The following NIPAL4 variants were observed in gnomAD, a reference collection of about 807,000 sequenced individuals.
NIPAL4 encodes the protein NIPA like domain containing 4, also known as magnesium transporter NIPA4.
In NIPAL4, 21 loss-of-function variants were observed where a neutral mutation model predicts 31.6. That is an observed-to-expected ratio of 0.67 (90% CI 0.47 to 0.96). The LOEUF is 0.96. Among genes scored for constraint, NIPAL4 ranks in the 40% least tolerant of loss-of-function variants. NIPAL4 has a pLI of 0.00. For missense variants in NIPAL4, 438 were observed against 508.0 expected (o/e 0.86, Z 1.32); for synonymous variants, 175 against 211.1 (o/e 0.83, Z 1.48).
In NIPAL4 at chr5:157,462,981, G is replaced by A. The variant is rs554965678; in HGVS notation, c.38-113G>A. On this transcript the variant is annotated intron_variant, in intron 1 of 5. Coordinates refer to ENST00000311946, the MANE Select transcript of NIPAL4 (RefSeq NM_001099287.2). ...TTTTAGGTGGAGGCACGGTATATGG[G>A]TATAGCCCTGCAGTAGCGGAAGCAC... 4.4e-6 allele frequency: 6 copies of A among 1,369,454 alleles called. No individual in the cohort carries two copies. The Admixed American group carries it at 7.9e-5, about 18-fold the overall frequency. The allele number at this position is 1,369,454 out of a possible 1,614,324, so 84.8% of individuals were successfully genotyped here. A position where few individuals can be genotyped will look rare whatever the true frequency, so the allele number is the denominator to read the frequency against.
Position 157,471,781 on chromosome 5 carries a change from A to G in NIPAL4, c.550A>G (p.Thr184Ala), listed in dbSNP as rs780651434. ...IHAPEEEKVT[T>A]IMEMASKMKD... ...TGCTCCTGAGGAAGAGAAGGTCACT[A>G]CCATCATGGAGATGGCTTCCAAGAT... The change falls in exon 5 of 6, where the codon ACC becomes GCC. Residue 184 changes from threonine (T) to alanine (A), a missense_variant. Transcript: ENST00000311946. 2.5e-6 allele frequency: 4 copies of G among 1,597,908 alleles called. No individual in the cohort carries two copies. The South Asian group carries it at 3.4e-5, about 14-fold the overall frequency.
At position 157,474,668 on chromosome 5, in the gene NIPAL4, C is replaced by T. The variant is rs1322013623; in HGVS notation, c.*1708C>T. 1 of 152,174 alleles carries T rather than the reference C, an allele frequency of 6.6e-6. No individual in the cohort carries two copies. The highest frequency in any genetic ancestry group is 2.4e-5 in the African/African-American group (1 of 41,432). 9.4% of individuals were successfully genotyped at this position (152,174 alleles called of 1,614,324 possible). On this transcript the variant is annotated 3_prime_UTR_variant, in exon 6 of 6. Transcript: ENST00000311946. ...TGAGAATGGCAGTAAACTGAGGGCC[C>T]TAAGAGTGTGGTCTGCAGGGTCAAG...
intron 2 of NIPAL4, among the ~76,000 whole-genome samples, chr5:157,464,245 T>C (rs1421224988): frequency 1.3e-5 from 2 of 152,066 alleles, no homozygotes; most frequent in Non-Finnish European, 2.9e-5. Context: ...GTGAGAGAAC[T>C]TGAGTGATAC....
chr5:157,468,791 G>T lies in NIPAL4; in HGVS notation c.404G>T (p.Gly135Val). The T allele has an allele frequency of 6.2e-7, 1 of 1,608,334 alleles. No individual in the cohort carries two copies. Among genetic ancestry groups the T allele is most frequent in the Non-Finnish European group, 8.5e-7 (1 of 1,176,478 alleles). Residue 135 changes from glycine (G) to valine (V), a missense_variant, in exon 4 of 6, where the codon GGA becomes GTA. By Grantham distance (109) the Gly-to-Val change is moderately radical. Coordinates refer to ENST00000311946, the MANE Select transcript of NIPAL4 (RefSeq NM_001099287.2). ...CCTGCAACAGTCGTCACGCCTCTGG[G>T]AGCGCTGAGTGTCCTCATAAGGTTA... ...FAPATVVTPLGALSVLISAIL... is the reference protein window; with the variant it reads ...FAPATVVTPLVALSVLISAIL...
At position 157,472,328 on chromosome 5, in the gene NIPAL4, A is replaced by G; in HGVS notation, c.587-4A>G. 6.3e-7 allele frequency: 1 copy of G among 1,595,990 alleles called. No individual in the cohort carries two copies. Among genetic ancestry groups the G allele is most frequent in the Non-Finnish European group, 8.5e-7 (1 of 1,173,216 alleles). On this transcript the variant is annotated splice_polypyrimidine_tract_variant and splice_region_variant and intron_variant, in intron 5 of 5. Coordinates refer to ENST00000311946, the MANE Select transcript of NIPAL4 (RefSeq NM_001099287.2). The stretch of plus-strand genomic sequence containing the variant: ...AAGTGATCCTTCTCTCTCTCCTCCC[A>G]AAGGGTTCATCGTGTTTGCTGTGCT...
intron 4 of NIPAL4, among the ~76,000 whole-genome samples, chr5:157,471,285 G>C (rs941672628): frequency 6.6e-6 from 1 of 152,144 alleles, no homozygotes; most frequent in African/African-American, 2.4e-5. Flanking sequence ...AGGATTAAAT[G>C]AGTTAATATG....
Position 157,468,813 on chromosome 5 carries a change from G to T in NIPAL4, c.425+1G>T. ...TGGGAGCGCTGAGTGTCCTCATAAG[G>T]TTATTGTCCCCTCTCTAGCTCTCTC... is the stretch of plus-strand genomic sequence containing the variant. On this transcript the variant is annotated splice_donor_variant, in intron 4 of 5. Transcript: ENST00000311946. LOFTEE classifies it high-confidence loss of function. 6.3e-7 allele frequency: 1 copy of T among 1,586,336 alleles called. No homozygotes were observed. The highest frequency in any genetic ancestry group is 8.6e-7 in the Non-Finnish European group (1 of 1,159,938).
At position 157,472,899 on chromosome 5, in the gene NIPAL4, T is replaced by C. The variant is rs921195698; in HGVS notation, c.1154T>C (p.Ile385Thr). 3 of 1,540,464 alleles carry C rather than the reference T, an allele frequency of 1.9e-6. No homozygotes were observed. The highest frequency in any genetic ancestry group is 3.9e-5 in the Admixed American group (2 of 50,682). Residue 385 changes from isoleucine to threonine, a missense_variant, in exon 6 of 6, where the codon ATA (isoleucine) becomes ACA (threonine). Ile to Thr is a moderately conservative substitution (Grantham distance 89, BLOSUM62 -1). Transcript: ENST00000311946. ...LEDKNVLVDN[I>T]ELASTSSPEE... Reference sequence around the variant, plus strand: ...GACAAGAACGTCCTTGTGGACAATATAGAACTTGCCAGCACCTCATCACCA... The same window carrying C: ...GACAAGAACGTCCTTGTGGACAATACAGAACTTGCCAGCACCTCATCACCA...
At chr5:157,463,066 ACT>A (rs1416727788) in intron 1 of NIPAL4, 26 bp from the exon 2 acceptor site, 11 of 1,612,002 alleles carry the variant, frequency 6.8e-6, no homozygotes. Context: ...CCCCAGTGTG[ACT>A]CTCTCACTGT....
chr5:157,463,609 G>A (rs1233469588), intron 2 of NIPAL4, among the ~76,000 whole-genome samples: 1 of 152,176 alleles, frequency 6.6e-6, no homozygotes, highest in African/African-American at 2.4e-5. Flanking sequence ...GAAGGGACAA[G>A]TCTCAGGACC....
chr5:157,460,241 A>G lies in NIPAL4; in HGVS notation c.-80A>G, dbSNP rs1754051967. 7 of 1,524,966 alleles carry G rather than the reference A, an allele frequency of 4.6e-6. No individual in the cohort carries two copies. Among genetic ancestry groups the G allele is most frequent in the Non-Finnish European group, 6.2e-6 (7 of 1,137,216 alleles). 94.5% of individuals were successfully genotyped at this position (1,524,966 alleles called of 1,614,324 possible). A position where few individuals can be genotyped will look rare whatever the true frequency, so the allele number is the denominator to read the frequency against. ...TTCTCGCGCGCGAGCCACGCGGGGGACAAGTCGCGGCCACCTGCTCCGGAG... is the reference window on the plus strand; with the variant it reads ...TTCTCGCGCGCGAGCCACGCGGGGGGCAAGTCGCGGCCACCTGCTCCGGAG... On this transcript the variant is annotated 5_prime_UTR_variant, in exon 1 of 6. Transcript: ENST00000311946.
Position 157,463,236 on chromosome 5 carries a change from G to C in NIPAL4, c.180G>C (p.Leu60=). ...AGAACTATGGCTTCTACATCGGCCTGGGCCTGGCATTCCTGTCTAGCTTCC... is the reference window on the plus strand; with the variant it reads ...AGAACTATGGCTTCTACATCGGCCTCGGCCTGGCATTCCTGTCTAGCTTCC... ...IRQNYGFYIG[L]GLAFLSSFLI... The change falls in exon 2 of 6, where the codon CTG becomes CTC. Residue 60 remains leucine, a synonymous_variant. Coordinates refer to ENST00000311946, the MANE Select transcript of NIPAL4 (RefSeq NM_001099287.2). 6.2e-7 allele frequency: 1 copy of C among 1,613,992 alleles called. No homozygotes were observed. Among genetic ancestry groups the C allele is most frequent in the African/African-American group, 1.3e-5 (1 of 75,058 alleles).
At chr5:157,463,887 C>T (rs1754182751) in intron 2 of NIPAL4, among the ~76,000 whole-genome samples, 1 of 152,174 alleles carries the variant, frequency 6.6e-6, no homozygotes, top group Admixed American at 6.5e-5. Context: ...TGCAAAATGA[C>T]TCATTCATTT....
intron 2 of NIPAL4, among the ~76,000 whole-genome samples, chr5:157,466,246 C>A (rs1581267765): frequency 6.6e-6 from 1 of 152,084 alleles, no homozygotes; most frequent in African/African-American, 2.4e-5. Context: ...TGTGCAAAGG[C>A]CTCGAGGCAG....
In NIPAL4 at chr5:157,468,771, AAC is replaced by A; in HGVS notation, c.386_387del (p.Thr129SerfsTer49). 6.2e-7 allele frequency: 1 copy of A among 1,611,876 alleles called. No homozygotes were observed. Among genetic ancestry groups the A allele is most frequent in the Non-Finnish European group, 8.5e-7 (1 of 1,178,618 alleles). On this transcript the variant is annotated frameshift_variant, in exon 4 of 6. Transcript: ENST00000311946. LOFTEE classifies it high-confidence loss of function. The part of the protein sequence containing the change: ...NFGAYAFAPA[T>X]VVTPLGALSV... Reference sequence around the variant, plus strand: ...TTGGAGCCTACGCATTTGCACCTGCAACAGTCGTCACGCCTCTGGGAGCGCTG... The same window carrying A: ...TTGGAGCCTACGCATTTGCACCTGCAAGTCGTCACGCCTCTGGGAGCGCTG...
At chr5:157,468,384 T>A (rs746545537) in intron 3 of NIPAL4, among the ~76,000 whole-genome samples, 1 of 152,168 alleles carries the variant, frequency 6.6e-6, no homozygotes, top group African/African-American at 2.4e-5. Flanking sequence ...AAATTAAAAA[T>A]CTAGTCCAAA....
intron 1 of NIPAL4, among the ~76,000 whole-genome samples, chr5:157,461,993 G>T (rs964857826): frequency 1.3e-5 from 2 of 152,152 alleles, no homozygotes; most frequent in African/African-American, 4.8e-5. Context: ...TGGACTTTGG[G>T]GCCCTTCCAG....
At position 157,471,783 on chromosome 5, in the gene NIPAL4, C is replaced by T; in HGVS notation, c.552C>T (p.Thr184=). 1 of 1,597,918 alleles carries T rather than the reference C, an allele frequency of 6.3e-7. No homozygotes were observed. The highest frequency in any genetic ancestry group is 2.3e-5 in the East Asian group (1 of 44,300). The part of the protein sequence containing the change: ...IHAPEEEKVT[T]IMEMASKMKD... The stretch of plus-strand genomic sequence containing the variant: ...CTCCTGAGGAAGAGAAGGTCACTAC[C>T]ATCATGGAGATGGCTTCCAAGATGA... The change falls in exon 5 of 6, where the codon ACC becomes ACT. Residue 184 remains threonine, a synonymous_variant. Transcript: ENST00000311946.
chr5:157,472,209 C>A, intron 5 of NIPAL4, 123 bp from the exon 6 acceptor site: 1 of 909,870 alleles, frequency 1.1e-6, no homozygotes, highest in Non-Finnish European at 1.7e-6. Flanking sequence ...GGGACTGGAA[C>A]CCGGGTTTGT....
Sources: allele counts gnomAD v4.1 joint callset (sites outside exome capture counted in the v4.1 genomes callset), GRCh38; gene constraint gnomAD v4.1.1; transcripts MANE v1.5; gene names NCBI Gene and HGNC (gene_info 2026-07-23, HGNC 2026-07-21).